PTPRD: variants seen among roughly 807,000 people sequenced by gnomAD.
PTPRD encodes the protein receptor-type tyrosine-protein phosphatase delta.
PTPRD carries 34 observed loss-of-function variants against 214.5 expected under a neutral mutation model. The ratio of observed to expected loss-of-function variants is 0.16; its 90% CI spans 0.12 to 0.21. PTPRD has a LOEUF of 0.21. Ranked by LOEUF, PTPRD falls within the 10% of genes least tolerant of loss-of-function variation. The pLI is 1.00. For missense variants in PTPRD, 2,545 were observed against 2,398.7 expected, an observed-to-expected ratio of 1.06 and a Z score of -1.27; for synonymous variants, 1,128 against 845.7, an observed-to-expected ratio of 1.33 and a Z score of -5.79.
chr9:8,324,069 A>G (rs1188783627), intron 44 of PTPRD, among the ~76,000 whole-genome samples: 2 of 152,110 alleles, frequency 1.3e-5, no homozygotes, highest in Non-Finnish European at 2.9e-5. Flanking sequence ...CAAAAAGATT[A>G]AAACTTACCG....
intron 9 of PTPRD, among the ~76,000 whole-genome samples, chr9:9,328,691 G>A (rs553695443): frequency 1.7e-5 from 2 of 118,134 alleles, no homozygotes; most frequent in African/African-American, 6.6e-5. Context: ...AGGCTGGAGC[G>A]CACGGCATGA....
intron 3 of PTPRD, among the ~76,000 whole-genome samples, chr9:10,164,912 T>C (rs180895175): frequency 1.5e-3 from 223 of 147,998 alleles, no homozygotes; most frequent in African/African-American, 5.0e-3. Flanking sequence ...AAAAAGACAA[T>C]AGCATACATC....
At chr9:10,556,390 G>A (rs567157326) in intron 2 of PTPRD, among the ~76,000 whole-genome samples, 223 of 152,076 alleles carry the variant, frequency 1.5e-3, no homozygotes, top group African/African-American at 5.2e-3. Context: ...GGGATATTAT[G>A]AAAACAGTGT....
chr9:8,570,874 G>C (rs2090928960), intron 14 of PTPRD, among the ~76,000 whole-genome samples: 1 of 151,828 alleles, frequency 6.6e-6, no homozygotes, highest in Non-Finnish European at 1.5e-5. Flanking sequence ...AATGGATAAA[G>C]AGCTAGATAA....
At chr9:9,478,037 T>C (rs560958577) in intron 8 of PTPRD, among the ~76,000 whole-genome samples, 8 of 152,348 alleles carry the variant, frequency 5.3e-5, no homozygotes, top group South Asian at 2.1e-4. Flanking sequence ...GTACTACACA[T>C]GGACCGTTCT....
chr9:9,699,406 G>T (rs1056167013), intron 7 of PTPRD, among the ~76,000 whole-genome samples: 6 of 151,838 alleles, frequency 4.0e-5, no homozygotes, highest in African/African-American at 1.5e-4. Flanking sequence ...ATTCCTTTTT[G>T]TTCTTTTTTG....
chr9:9,822,881 C>A (rs1046019815), intron 5 of PTPRD, among the ~76,000 whole-genome samples: 1 of 151,990 alleles, frequency 6.6e-6, no homozygotes, highest in African/African-American at 2.4e-5. Flanking sequence ...TGTAAGTCAA[C>A]GCAGTCACTA....
chr9:10,075,251 G>A (rs1229083082), intron 3 of PTPRD, among the ~76,000 whole-genome samples: 7 of 151,910 alleles, frequency 4.6e-5, no homozygotes, highest in Non-Finnish European at 4.4e-5. Context: ...CCCCGAAGGT[G>A]CATAATTATT....
At chr9:8,918,334 C>G (rs2098801427) in intron 11 of PTPRD, among the ~76,000 whole-genome samples, 2 of 152,092 alleles carry the variant, frequency 1.3e-5, no homozygotes, top group South Asian at 4.1e-4. Context: ...AGAAAAGGCC[C>G]AAGACTGGAA....
chr9:8,413,884 T>C (rs1329749120), intron 35 of PTPRD, among the ~76,000 whole-genome samples: 1 of 152,102 alleles, frequency 6.6e-6, no homozygotes, highest in African/African-American at 2.4e-5. Context: ...CATTGTAAAA[T>C]TAGGGACTCT....
At chr9:8,994,872 C>CTT (rs2099390601) in intron 11 of PTPRD, among the ~76,000 whole-genome samples, 1 of 152,028 alleles carries the variant, frequency 6.6e-6, no homozygotes. Context: ...AGTTGTTCTA[C>CTT]TTATATCCTA....
intron 7 of PTPRD, among the ~76,000 whole-genome samples, chr9:9,587,060 T>C (rs1404864559): frequency 6.6e-6 from 1 of 151,854 alleles, no homozygotes; most frequent in Non-Finnish European, 1.5e-5. Context: ...TGTATGTGTA[T>C]ATAGGTAACA....
At chr9:9,178,760 T>C (rs768898215) in intron 10 of PTPRD, among the ~76,000 whole-genome samples, 45 of 152,076 alleles carry the variant, frequency 3.0e-4, no homozygotes, top group Middle Eastern at 3.2e-3. Context: ...GCTGTATATA[T>C]AGTATAAAGG....
At chr9:10,094,571 G>A (rs2098464775) in intron 3 of PTPRD, among the ~76,000 whole-genome samples, 1 of 134,460 alleles carries the variant, frequency 7.4e-6, no homozygotes, top group South Asian at 2.3e-4. Context: ...ATGGGGCAGA[G>A]TAACTGTTCA....
chr9:9,016,839 G>A (rs559641846), intron 11 of PTPRD, among the ~76,000 whole-genome samples: 13 of 152,226 alleles, frequency 8.5e-5, no homozygotes, highest in Non-Finnish European at 1.3e-4. Context: ...CTCAAATACC[G>A]TAGCAATCCT....
chr9:9,470,011 G>A (rs189382092), intron 8 of PTPRD, among the ~76,000 whole-genome samples: 1 of 152,090 alleles, frequency 6.6e-6, no homozygotes, highest in Non-Finnish European at 1.5e-5. Flanking sequence ...TACTGGGGTG[G>A]ATGAACTCCC....
intron 3 of PTPRD, among the ~76,000 whole-genome samples, chr9:10,111,229 CTTTTTTT>C (rs34045121): frequency 6.9e-5 from 5 of 72,192 alleles, no homozygotes; most frequent in Admixed American, 2.0e-4. Flanking sequence ...AGTTTAGTTT[CTTTTTTT>C]TTTTTTTTTT....
At chr9:9,202,629 G>C (rs972862317) in intron 9 of PTPRD, among the ~76,000 whole-genome samples, 5 of 152,112 alleles carry the variant, frequency 3.3e-5, no homozygotes, top group African/African-American at 1.2e-4. Flanking sequence ...ATTAGTTGTT[G>C]CCTTGAAACT....
At chr9:9,736,965 T>C (rs774608640) in intron 6 of PTPRD, among the ~76,000 whole-genome samples, 16 of 152,076 alleles carry the variant, frequency 1.1e-4, no homozygotes, top group Non-Finnish European at 2.4e-4. Context: ...TCTTTACTTA[T>C]GTGTCCTGTT....
Sources: gnomAD v4.1 joint callset for allele counts (sites outside exome capture counted in the v4.1 genomes callset) on GRCh38, gnomAD v4.1.1 for gene constraint, MANE v1.5 for transcripts, NCBI Gene and HGNC (gene_info 2026-07-23, HGNC 2026-07-21) for gene names.